The following DKK2 variants were observed in gnomAD, a reference collection of about 807,000 sequenced individuals.
DKK2 encodes dickkopf Wnt signaling pathway inhibitor 2.
A neutral mutation model predicts 28.1 loss-of-function variants in DKK2; 11 were observed. The observed-to-expected ratio is 0.39, with a 90% CI of 0.25 to 0.65. DKK2 has a LOEUF of 0.65. Among genes scored for constraint, DKK2 ranks in the 30% least tolerant of loss-of-function variants. DKK2 has a pLI of 0.47. For synonymous variants in DKK2, 135 were observed against 126.5 expected, an observed-to-expected ratio of 1.07 and a Z score of -0.45; for missense variants, 326 against 335.5, an observed-to-expected ratio of 0.97 and a Z score of 0.22.
intron 1 of DKK2, among the ~76,000 whole-genome samples, chr4:107,002,582 A>G (rs1283011562): frequency 2.6e-5 from 4 of 152,168 alleles, no homozygotes; most frequent in Non-Finnish European, 4.4e-5. Flanking sequence ...CCAAAAAGAC[A>G]GTAAAAAAAA....
intron 1 of DKK2, among the ~76,000 whole-genome samples, chr4:107,026,032 T>C (rs1230114464): frequency 6.6e-6 from 1 of 152,218 alleles, no homozygotes; most frequent in Non-Finnish European, 1.5e-5. Context: ...TATAGTACAT[T>C]GGGCAGATCA....
intron 1 of DKK2, among the ~76,000 whole-genome samples, chr4:106,950,311 T>C (rs1237117544): frequency 6.6e-6 from 1 of 152,152 alleles, no homozygotes; most frequent in East Asian, 1.9e-4. Context: ...TTAGCAAATT[T>C]GGTCAGTTCT....
intron 1 of DKK2, among the ~76,000 whole-genome samples, chr4:106,927,540 A>C (rs1724440980): frequency 6.6e-6 from 1 of 152,200 alleles, no homozygotes; most frequent in African/African-American, 2.4e-5. Context: ...ATACTTTATA[A>C]CTGGAGCCAC....
intron 1 of DKK2, among the ~76,000 whole-genome samples, chr4:106,968,983 T>C (rs968216784): frequency 6.6e-6 from 1 of 152,116 alleles, no homozygotes; most frequent in African/African-American, 2.4e-5. Flanking sequence ...GGTCAATTTA[T>C]AGGCATGCGG....
At chr4:107,033,529 G>A (rs969266728) in intron 1 of DKK2, among the ~76,000 whole-genome samples, 2 of 152,202 alleles carry the variant, frequency 1.3e-5, no homozygotes, top group Non-Finnish European at 2.9e-5. Context: ...TAAGGCTAAT[G>A]AAACGACGCA....
chr4:106,923,980 T>C lies in DKK2; in HGVS notation c.754A>G (p.Arg252Gly). 1 of 1,613,950 alleles carries C rather than the reference T, an allele frequency of 6.2e-7. No homozygotes were observed. Among genetic ancestry groups the C allele is most frequent in the Non-Finnish European group, 8.5e-7 (1 of 1,179,860 alleles). Residue 252 changes from arginine to glycine, a missense_variant, in exon 4 of 4, where the codon AGA (arginine) becomes GGA (glycine). Transcript: ENST00000285311. The part of the protein sequence containing the change: ...WKDATYSSKA[R>G]LHVCQKI ...CAAATTTTCTGACACACATGGAGTCTGGCTTTGGAGGAGTAGGTGGCATCT... is the reference window on the plus strand; with the variant it reads ...CAAATTTTCTGACACACATGGAGTCCGGCTTTGGAGGAGTAGGTGGCATCT...
At chr4:107,026,306 AG>A (rs1723778285) in intron 1 of DKK2, among the ~76,000 whole-genome samples, 2 of 152,206 alleles carry the variant, frequency 1.3e-5, no homozygotes, top group Admixed American at 6.5e-5. Flanking sequence ...GTAAATGTTA[AG>A]AAGGTTTTTC....
In DKK2 at chr4:106,925,935, G is replaced by A. The variant is rs760925720; in HGVS notation, c.237C>T (p.Ser79=). ...TCCCAACTTCACACTCCTTATCACTGCTACAAGGGTAGGCCTGTCATCAAG... is the reference window on the plus strand; with the variant it reads ...TCCCAACTTCACACTCCTTATCACTACTACAAGGGTAGGCCTGTCATCAAG... ...GKNLGQAYPC[S]SDKECEVGRY... is the part of the protein sequence containing the mutation. Residue 79 remains serine, a synonymous_variant, in exon 2 of 4, where the codon AGC becomes AGT. Transcript: ENST00000285311. The A allele has an allele frequency of 1.2e-6, 2 of 1,610,214 alleles. No homozygotes were observed. The highest frequency in any genetic ancestry group is 1.1e-5 in the South Asian group (1 of 90,622).
chr4:106,930,889 C>T (rs1724493022), intron 1 of DKK2, among the ~76,000 whole-genome samples: 1 of 152,164 alleles, frequency 6.6e-6, no homozygotes, highest in African/African-American at 2.4e-5. Flanking sequence ...TTGGCAATTA[C>T]ATTTGGGAAA....
At chr4:107,035,294 C>T (rs1723945672) in intron 1 of DKK2, 76 bp downstream of exon 1, 1 of 1,527,410 alleles carries the variant, frequency 6.5e-7, no homozygotes, top group Non-Finnish European at 9.0e-7. Context: ...TTGCAAGATG[C>T]AATGGCAAAC....
intron 1 of DKK2, among the ~76,000 whole-genome samples, chr4:106,935,913 T>C (rs1400189518): frequency 2.6e-5 from 4 of 152,026 alleles, no homozygotes; most frequent in African/African-American, 9.7e-5. Flanking sequence ...GTCCTGTCCG[T>C]TAGAAGGAAA....
chr4:106,938,996 G>A (rs200762012), intron 1 of DKK2, among the ~76,000 whole-genome samples: 3 of 151,964 alleles, frequency 2.0e-5, no homozygotes, highest in East Asian at 3.9e-4. Flanking sequence ...CAAACCCACA[G>A]CCAATATCAT....
chr4:106,928,122 A>G (rs897403514), intron 1 of DKK2, among the ~76,000 whole-genome samples: 1 of 152,202 alleles, frequency 6.6e-6, no homozygotes, highest in African/African-American at 2.4e-5. Context: ...TTCTCAGTTG[A>G]CAGGAACTGG....
intron 1 of DKK2, among the ~76,000 whole-genome samples, chr4:106,970,457 G>C (rs79498663): frequency 0.011 from 1,673 of 152,148 alleles, 26 homozygotes; most frequent in African/African-American, 0.037. Flanking sequence ...AATGTGCTTA[G>C]CATAGAGTAA....
rs1458488041 is a variant in DKK2 at position 107,035,492 on chromosome 4, T to G, written c.100A>C (p.Lys34Gln). ...AGAGAGGACTTGATGGAGTTGAGTTTGGCCCGCGAACTGCCGATCTGTGAG... is the reference window on the plus strand; with the variant it reads ...AGAGAGGACTTGATGGAGTTGAGTTGGGCCCGCGAACTGCCGATCTGTGAG... ...ESSQIGSSRA[K>Q]LNSIKSSLGG... Residue 34 changes from lysine to glutamine, a missense_variant, in exon 1 of 4, where the codon AAA (lysine) becomes CAA (glutamine). Coordinates refer to ENST00000285311, the MANE Select transcript of DKK2 (RefSeq NM_014421.3). 2 of 1,614,196 alleles carry G rather than the reference T, an allele frequency of 1.2e-6. No homozygotes were observed. Among genetic ancestry groups the G allele is most frequent in the Admixed American group, 3.3e-5 (2 of 60,026 alleles).
At chr4:106,987,442 G>C (rs901855391) in intron 1 of DKK2, among the ~76,000 whole-genome samples, 1 of 152,098 alleles carries the variant, frequency 6.6e-6, no homozygotes, top group Non-Finnish European at 1.5e-5. Flanking sequence ...TCCCTTTCTT[G>C]TGTAACACCA....
At position 106,923,746 on chromosome 4, in the gene DKK2, T is replaced by A. The variant is rs1560572641; in HGVS notation, c.*208A>T. ...ACATTATTTACATAGACAAGTTGCA[T>A]AATGGAAACACTGGCTGCACTGCAT... On this transcript the variant is annotated 3_prime_UTR_variant, in exon 4 of 4. Coordinates refer to ENST00000285311, the MANE Select transcript of DKK2 (RefSeq NM_014421.3). 1 of 631,340 alleles carries A rather than the reference T, an allele frequency of 1.6e-6. No homozygotes were observed. The highest frequency in any genetic ancestry group is 2.6e-6 in the Non-Finnish European group (1 of 378,472). The allele number at this position is 631,340 out of a possible 1,614,324, so 39.1% of individuals were successfully genotyped here. A position where few individuals can be genotyped will look rare whatever the true frequency, so the allele number is the denominator to read the frequency against.
intron 1 of DKK2, among the ~76,000 whole-genome samples, chr4:106,990,470 C>A (rs548538138): frequency 5.7e-4 from 87 of 152,242 alleles, no homozygotes; most frequent in African/African-American, 2.1e-3. Flanking sequence ...CCTAGAAGAC[C>A]AAGTACAGAG....
intron 1 of DKK2, among the ~76,000 whole-genome samples, chr4:106,991,276 GCTGCCTTTT>G (rs1723199879): frequency 6.6e-6 from 1 of 152,060 alleles, no homozygotes; most frequent in Non-Finnish European, 1.5e-5. Flanking sequence ...ATCTACTACA[GCTGCCTTTT>G]CTCATAACCA....
Sources: gnomAD v4.1 joint callset for allele counts (sites outside exome capture counted in the v4.1 genomes callset) on GRCh38, gnomAD v4.1.1 for gene constraint, MANE v1.5 for transcripts, NCBI Gene and HGNC (gene_info 2026-07-23, HGNC 2026-07-21) for gene names.